The following COL19A1 variants were observed in gnomAD, a reference collection of about 807,000 sequenced individuals.
COL19A1 encodes the protein collagen type XIX alpha 1 chain.
In COL19A1, 159 loss-of-function variants were observed where a neutral mutation model predicts 190.2. That is an observed-to-expected ratio of 0.84 (90% CI 0.73 to 0.95). The LOEUF (loss-of-function observed/expected upper bound fraction) is 0.95, where lower values mean the gene tolerates loss of function less well. COL19A1 is among the 40% of genes least tolerant of loss of function. The pLI, the probability that COL19A1 is intolerant of heterozygous loss-of-function variation, is 0.00. For missense variants in COL19A1, 1,418 were observed against 1,431.9 expected (o/e 0.99, Z 0.16); for synonymous variants, 509 against 458.9 (o/e 1.11, Z -1.39).
At chr6:70,133,511 G>A (rs1785648590) in intron 18 of COL19A1, among the ~76,000 whole-genome samples, 1 of 152,220 alleles carries the variant, frequency 6.6e-6, no homozygotes, top group African/African-American at 2.4e-5. Flanking sequence ...AGGATGTGGT[G>A]AAGGGATAAT....
intron 14 of COL19A1, among the ~76,000 whole-genome samples, chr6:70,041,252 CTAAT>C (rs1361333262): frequency 1.3e-5 from 2 of 152,130 alleles, no homozygotes; most frequent in African/African-American, 2.4e-5. Flanking sequence ...ACCAAATTCA[CTAAT>C]TAGTTTGGTA....
chr6:70,190,661 T>C (rs2150297422), intron 48 of COL19A1, among the ~76,000 whole-genome samples: 1 of 152,362 alleles, frequency 6.6e-6, no homozygotes, highest in South Asian at 2.1e-4. Context: ...TATTTTTCAA[T>C]ATCCCTCATA....
chr6:70,079,066 A>G (rs994515597), intron 15 of COL19A1, among the ~76,000 whole-genome samples: 7 of 152,194 alleles, frequency 4.6e-5, no homozygotes, highest in Admixed American at 2.6e-4. Flanking sequence ...ACTCTATCTC[A>G]AAGAAAAGAA....
rs763509709 is a variant in COL19A1 at position 69,929,587 on chromosome 6, C to A, written c.553C>A (p.Leu185Ile). The A allele has an allele frequency of 6.2e-7, 1 of 1,613,968 alleles. No homozygotes were observed. Among genetic ancestry groups the A allele is most frequent in the Non-Finnish European group, 8.5e-7 (1 of 1,179,960 alleles). ...TAGTATACAATCCCAGGTCATTTCA[C>A]TTTATATGGATTGTAATTTAATTGC... Reference protein sequence around the residue: ...GISIQSQVISLYMDCNLIARR... With the variant: ...GISIQSQVISIYMDCNLIARR... Residue 185 changes from leucine (L) to isoleucine (I), a missense_variant, in exon 6 of 51, where the codon CTT (leucine) becomes ATT (isoleucine). Transcript: ENST00000620364.
In COL19A1 at chr6:69,921,413, T is replaced by TATATC. The variant is rs1322255344; in HGVS notation, c.267-6491_267-6487dup. On this transcript the variant is annotated intron_variant, in intron 4 of 50. Coordinates refer to ENST00000620364, the MANE Select transcript of COL19A1 (RefSeq NM_001858.6). The stretch of plus-strand genomic sequence containing the variant: ...TATATATCATATATCATATATATCA[T>TATATC]ATATCATATATATCATATATATCAT... Among the ~76,000 whole-genome samples, 93 of 97,188 alleles carry TATATC rather than the reference T, an allele frequency of 9.6e-4. 5 individuals carry two copies. The highest frequency in any genetic ancestry group is 4.5e-3 in the African/African-American group (87 of 19,458). 63.8% of individuals were successfully genotyped at this position (97,188 alleles called of 152,430 possible).
At chr6:69,982,967 G>A (rs1776122717) in intron 11 of COL19A1, among the ~76,000 whole-genome samples, 1 of 135,634 alleles carries the variant, frequency 7.4e-6, no homozygotes, top group Non-Finnish European at 1.6e-5. Flanking sequence ...GCGAGACTCT[G>A]TCTCAAAAAT....
At chr6:70,098,306 T>G in intron 15 of COL19A1, 1 of 408,338 alleles carries the variant, frequency 2.4e-6, no homozygotes, top group Non-Finnish European at 4.9e-6. Context: ...GCTTAAGGAG[T>G]AAAATTCACC....
chr6:69,928,942 T>A (rs1310382371), intron 5 of COL19A1, among the ~76,000 whole-genome samples: 1 of 152,150 alleles, frequency 6.6e-6, no homozygotes, highest in Non-Finnish European at 1.5e-5. Flanking sequence ...GTTTTCTCTG[T>A]ACCTTGCAAA....
chr6:70,188,322 C>A (rs1766655611), intron 47 of COL19A1, 77 bp downstream of exon 47: 1 of 1,452,904 alleles, frequency 6.9e-7, no homozygotes, highest in Non-Finnish European at 9.1e-7. Flanking sequence ...AGCAATGATA[C>A]TGCCTTTCAA....
Position 70,083,980 on chromosome 6 carries a change from T to C in COL19A1, c.1224+15504T>C, listed in dbSNP as rs538731765. On this transcript the variant is annotated intron_variant, in intron 15 of 50. Transcript: ENST00000620364. The stretch of plus-strand genomic sequence containing the variant: ...GTTTCCTCCCTCAACTCTTTCAACC[T>C]TTTTTCCCCCCGGAAAAAAGATAAA... Among the ~76,000 whole-genome samples, 5 of 152,120 alleles carry C rather than the reference T, an allele frequency of 3.3e-5. No individual in the cohort carries two copies. In the South Asian group the frequency reaches 8.3e-4, roughly 25 times the overall value.
At position 70,156,807 on chromosome 6, in the gene COL19A1, T is replaced by C. The variant is rs893962176; in HGVS notation, c.2292+84T>C. The C allele has an allele frequency of 1.3e-5, 14 of 1,086,824 alleles. No homozygotes were observed. In the Admixed American group the frequency reaches 2.1e-4, roughly 16 times the overall value. The allele number at this position is 1,086,824 out of a possible 1,614,324, so 67.3% of individuals were successfully genotyped here. On this transcript the variant is annotated intron_variant, in intron 34 of 50. Transcript: ENST00000620364. ...CAGAGTAAAAATGTTAATTTTTCTA[T>C]AGCTCAGATCTGATGCTATAACCAA...
At chr6:70,036,741 T>A (rs963915092) in intron 14 of COL19A1, among the ~76,000 whole-genome samples, 1 of 152,126 alleles carries the variant, frequency 6.6e-6, no homozygotes, top group Non-Finnish European at 1.5e-5. Context: ...GTGAGATAAA[T>A]TAAGCATTTA....
At chr6:70,032,615 A>G (rs1779135465) in intron 12 of COL19A1, among the ~76,000 whole-genome samples, 1 of 152,294 alleles carries the variant, frequency 6.6e-6, no homozygotes, top group African/African-American at 2.4e-5. Context: ...TAATTTAAAA[A>G]TTATTAGTGA....
chr6:70,166,249 C>T (rs1432125645), intron 37 of COL19A1, among the ~76,000 whole-genome samples: 1 of 152,176 alleles, frequency 6.6e-6, no homozygotes, highest in East Asian at 1.9e-4. Flanking sequence ...CGACTCTCCA[C>T]TTCCTGGCTC....
intron 11 of COL19A1, among the ~76,000 whole-genome samples, chr6:69,999,542 AT>A (rs1562074764): frequency 6.6e-6 from 1 of 151,928 alleles, no homozygotes. Context: ...TCATAAAAAA[AT>A]TTTTTTTGAT....
intron 11 of COL19A1, among the ~76,000 whole-genome samples, chr6:70,008,296 A>G (rs1174560323): frequency 6.6e-6 from 1 of 151,854 alleles, no homozygotes; most frequent in Non-Finnish European, 1.5e-5. Flanking sequence ...ACTTCTAGCC[A>G]GACTGATCAG....
intron 16 of COL19A1, among the ~76,000 whole-genome samples, chr6:70,109,670 G>T (rs1380039343): frequency 6.6e-6 from 1 of 151,332 alleles, no homozygotes; most frequent in Non-Finnish European, 1.5e-5. Flanking sequence ...ATTGTTTTTA[G>T]CCCATTATCT....
chr6:70,095,370 A>G lies in COL19A1; in HGVS notation c.1225-6799A>G, dbSNP rs990710738. 2.6e-5 allele frequency among the ~76,000 whole-genome samples: 4 copies of G among 152,160 alleles called. No homozygotes were observed. In the East Asian group the frequency reaches 7.7e-4, roughly 29 times the overall value. ...CACTTTTCTAAAGGATGCACACTAC[A>G]TATTTTGGAGGTTTTCCTAGAGACA... On this transcript the variant is annotated intron_variant, in intron 15 of 50. Transcript: ENST00000620364.
chr6:70,171,548 G>C (rs552700269), intron 40 of COL19A1, among the ~76,000 whole-genome samples: 1 of 152,122 alleles, frequency 6.6e-6, no homozygotes, highest in Non-Finnish European at 1.5e-5. Flanking sequence ...ACACTGCTTT[G>C]AGTGCTCCAT....
Sources: gnomAD v4.1 joint callset for allele counts (sites outside exome capture counted in the v4.1 genomes callset) on GRCh38, gnomAD v4.1.1 for gene constraint, MANE v1.5 for transcripts, NCBI Gene and HGNC (gene_info 2026-07-23, HGNC 2026-07-21) for gene names.